NR2F1-AS1: variants seen among roughly 807,000 people sequenced by gnomAD.
NR2F1-AS1 encodes NR2F1 antisense RNA 1.
chr5:93,527,775 G>GGGAAAACTGGCTAGCCATATGC, intron 4 of NR2F1-AS1, among the ~76,000 whole-genome samples: 1 of 152,126 alleles, frequency 6.6e-6, no homozygotes, highest in Admixed American at 6.5e-5. Context: ...AAATGGTGTT[G>GGGAAAACTGGCTAGCCATATGC]GGAAAACTGG....
At chr5:93,468,296 C>T (rs995263762) in intron 4 of NR2F1-AS1, among the ~76,000 whole-genome samples, 1 of 152,222 alleles carries the variant, frequency 6.6e-6, no homozygotes, top group Non-Finnish European at 1.5e-5. Flanking sequence ...TATTTCTCCA[C>T]ATGCTCTCCA....
intron 4 of NR2F1-AS1, among the ~76,000 whole-genome samples, chr5:93,489,991 T>C (rs1277212188): frequency 6.6e-6 from 1 of 152,214 alleles, no homozygotes. Flanking sequence ...CCATGTGACT[T>C]CTGGATGAGG....
At chr5:93,562,575 T>C (rs568067013) in intron 2 of NR2F1-AS1, among the ~76,000 whole-genome samples, 19 of 152,316 alleles carry the variant, frequency 1.2e-4, no homozygotes, top group African/African-American at 4.1e-4. Context: ...ATTACAGGCG[T>C]GAGCCACCAT....
chr5:93,585,395 C>G (rs1753212625), upstream of NR2F1-AS1: 2 of 1,614,114 alleles, frequency 1.2e-6, no homozygotes, highest in Non-Finnish European at 1.7e-6. Flanking sequence ...CATGCCGTGC[C>G]AACAGGAACT....
At chr5:93,486,288 A>T (rs979838102) in intron 4 of NR2F1-AS1, among the ~76,000 whole-genome samples, 19 of 150,984 alleles carry the variant, frequency 1.3e-4, no homozygotes, top group African/African-American at 2.4e-4. Flanking sequence ...TAATTTTTTT[A>T]AAAAAGTCAG....
At chr5:93,465,233 AAAAC>A (rs1479202528) in intron 4 of NR2F1-AS1, among the ~76,000 whole-genome samples, 2 of 152,240 alleles carry the variant, frequency 1.3e-5, no homozygotes, top group Non-Finnish European at 2.9e-5. Context: ...TTACAAGAAA[AAAAC>A]AAACAACCCC....
At chr5:93,447,749 G>A (rs1749746321) in intron 4 of NR2F1-AS1, among the ~76,000 whole-genome samples, 1 of 151,774 alleles carries the variant, frequency 6.6e-6, no homozygotes, top group Non-Finnish European at 1.5e-5. Flanking sequence ...AAAGACACAT[G>A]CCCACATTGC....
At chr5:93,510,794 G>C (rs982874615) in intron 4 of NR2F1-AS1, among the ~76,000 whole-genome samples, 1 of 152,146 alleles carries the variant, frequency 6.6e-6, no homozygotes, top group African/African-American at 2.4e-5. Context: ...GTCTCTCTGT[G>C]CTATTCATCC....
chr5:93,540,888 G>C (rs972573833), intron 4 of NR2F1-AS1, among the ~76,000 whole-genome samples: 1 of 152,176 alleles, frequency 6.6e-6, no homozygotes, highest in Non-Finnish European at 1.5e-5. Context: ...CCGTTCTACT[G>C]TGCAAGTACA....
chr5:93,566,207 C>T (rs1249641459), intron 1 of NR2F1-AS1, among the ~76,000 whole-genome samples: 1 of 151,848 alleles, frequency 6.6e-6, no homozygotes, highest in Admixed American at 6.6e-5. Flanking sequence ...CTGTATACTA[C>T]CATAATAGCT....
chr5:93,489,643 C>G lies in NR2F1-AS1; in HGVS notation n.638+64118G>C, dbSNP rs1750796312. 6.6e-5 allele frequency among the ~76,000 whole-genome samples: 10 copies of G among 152,052 alleles called. No individual in the cohort carries two copies. The South Asian group carries it at 2.1e-3, about 32-fold the overall frequency. Reference sequence around the variant, plus strand: ...CAAAGCCACAATAGAAGTGAGACAGCCTAATTTAATAAAATTAAAAGAAAC... The same window carrying G: ...CAAAGCCACAATAGAAGTGAGACAGGCTAATTTAATAAAATTAAAAGAAAC... On this transcript the variant is annotated intron_variant and non_coding_transcript_variant, in intron 4 of 5. Transcript: ENST00000660523.
At chr5:93,441,265 A>G (rs1221424499) in intron 4 of NR2F1-AS1, among the ~76,000 whole-genome samples, 2 of 152,188 alleles carry the variant, frequency 1.3e-5, no homozygotes, top group Non-Finnish European at 2.9e-5. Flanking sequence ...ATCTTTGCCC[A>G]CTATCCTTTC....
At chr5:93,564,111 A>AC in intron 1 of NR2F1-AS1, among the ~76,000 whole-genome samples, 1 of 51,760 alleles carries the variant, frequency 1.9e-5, no homozygotes, top group African/African-American at 1.4e-4. Flanking sequence ...CAAAAAAAAA[A>AC]AAAAAAAAAA....
At chr5:93,427,098 T>C (rs948004164) in intron 4 of NR2F1-AS1, among the ~76,000 whole-genome samples, 58 of 152,188 alleles carry the variant, frequency 3.8e-4, no homozygotes, top group Admixed American at 7.2e-4. Flanking sequence ...GTATAATCTC[T>C]TGCCCTTGTC....
chr5:93,454,237 C>T (rs1484039177), intron 4 of NR2F1-AS1, among the ~76,000 whole-genome samples: 4 of 152,082 alleles, frequency 2.6e-5, no homozygotes, highest in Non-Finnish European at 5.9e-5. Context: ...GACATGATTG[C>T]ACCACTGCAC....
chr5:93,432,262 C>T (rs1337162656), intron 4 of NR2F1-AS1: 2 of 152,006 alleles, frequency 1.3e-5, no homozygotes, highest in Non-Finnish European at 1.5e-5. Flanking sequence ...ATCACTAGAC[C>T]CGATGATTTC....
intron 4 of NR2F1-AS1, among the ~76,000 whole-genome samples, chr5:93,485,807 T>C (rs1396240101): frequency 1.3e-5 from 2 of 150,422 alleles, no homozygotes; most frequent in Non-Finnish European, 3.0e-5. Context: ...TAAAGACACA[T>C]GCACACGTAT....
At chr5:93,580,240 C>T (rs1221277137) in intron 1 of NR2F1-AS1, among the ~76,000 whole-genome samples, 1 of 152,260 alleles carries the variant, frequency 6.6e-6, no homozygotes, top group African/African-American at 2.4e-5. Context: ...CGATCCTCCC[C>T]TCCAAGGAGG....
At chr5:93,529,398 G>GGA (rs769837278) in intron 4 of NR2F1-AS1, among the ~76,000 whole-genome samples, 102 of 152,158 alleles carry the variant, frequency 6.7e-4, no homozygotes, top group Non-Finnish European at 1.2e-3. Flanking sequence ...AGTAACGCTT[G>GGA]GATTACAGAC....
Sources: gnomAD v4.1 joint callset for allele counts (sites outside exome capture counted in the v4.1 genomes callset) on GRCh38, gnomAD v4.1.1 for gene constraint, MANE v1.5 for transcripts, NCBI Gene and HGNC (gene_info 2026-07-23, HGNC 2026-07-21) for gene names.